The following IFFO2 variants were observed in gnomAD, a reference collection of about 807,000 sequenced individuals.
The protein encoded by IFFO2 is intermediate filament family orphan 2.
A neutral mutation model predicts 53.5 loss-of-function variants in IFFO2; 19 were observed. The observed-to-expected ratio is 0.36, with a 90% CI of 0.25 to 0.52. IFFO2 has a LOEUF of 0.52. IFFO2 is among the 20% of genes least tolerant of loss of function. The pLI, the probability that IFFO2 is intolerant of heterozygous loss-of-function variation, is 0.94. For missense variants in IFFO2, 570 were observed against 727.4 expected (o/e 0.78, Z 2.49); for synonymous variants, 303 against 313.6 (o/e 0.97, Z 0.36).
rs1250693569 is a variant in IFFO2 at position 18,956,030 on chromosome 1, G to T, written c.303C>A (p.Phe101Leu). 2.1e-6 allele frequency: 3 copies of T among 1,451,984 alleles called. No homozygotes were observed. The highest frequency in any genetic ancestry group is 2.8e-6 in the Non-Finnish European group (3 of 1,088,434). The allele number at this position is 1,451,984 out of a possible 1,614,324, so 89.9% of individuals were successfully genotyped here. A position where few individuals can be genotyped will look rare whatever the true frequency, so the allele number is the denominator to read the frequency against. ...CGGTCTGCACGGCCTGCTCGCGGGA[G>T]AAGGTCTTGTAGCGCAGCCGCCGCT... ...ERERRLRYKT[F>L]SREQAVQTGP... The change falls in exon 1 of 9, where the codon TTC (phenylalanine) becomes TTA (leucine). Residue 101 changes from phenylalanine (F) to leucine (L), a missense_variant. Transcript: ENST00000455833. The surrounding 1 kb of genome is among the most constrained non-coding windows in gnomAD (Gnocchi z 6.4).
rs1209749286 is a variant in IFFO2 at position 18,947,955 on chromosome 1, G to A, written c.665+7713C>T. Among the ~76,000 whole-genome samples, 1 of 152,202 alleles carries A rather than the reference G, an allele frequency of 6.6e-6. No individual in the cohort carries two copies. Among genetic ancestry groups the A allele is most frequent in the African/African-American group, 2.4e-5 (1 of 41,444 alleles). The stretch of plus-strand genomic sequence containing the variant: ...GGGGCATGGGACAAGGCCACCTCCT[G>A]GGAGGAGCACTGACCTTGGGGTCCA... On this transcript the variant is annotated intron_variant, in intron 1 of 8. Transcript: ENST00000455833. This position sits in a 1 kb window ranked among gnomAD's most constrained non-coding sequence, Gnocchi z 5.0.
At chr1:18,935,874 T>C (rs1936442408) in intron 1 of IFFO2, among the ~76,000 whole-genome samples, 1 of 146,360 alleles carries the variant, frequency 6.8e-6, no homozygotes, top group African/African-American at 2.5e-5. Context: ...ATTTTTTTTT[T>C]TTTTTTTTTT....
intron 1 of IFFO2, among the ~76,000 whole-genome samples, chr1:18,935,247 C>G (rs1419765034): frequency 3.3e-5 from 5 of 152,308 alleles, no homozygotes; most frequent in African/African-American, 9.6e-5. Context: ...CTCTACCTTC[C>G]CCAAGGAGCA....
intron 1 of IFFO2, among the ~76,000 whole-genome samples, chr1:18,925,574 G>A (rs9426820): frequency 0.33 from 49,551 of 152,076 alleles, 10,664 homozygotes; most frequent in African/African-American, 0.62. Context: ...GGAAGCAAGA[G>A]GCAAGTTCCC....
chr1:18,910,705 C>G (rs1936023142), intron 7 of IFFO2, among the ~76,000 whole-genome samples: 1 of 152,192 alleles, frequency 6.6e-6, no homozygotes, highest in Non-Finnish European at 1.5e-5. Flanking sequence ...GCTTAGCAAC[C>G]CCAGCAGCAG....
Position 18,919,605 on chromosome 1 carries a change from G to A in IFFO2, c.822+73C>T, listed in dbSNP as rs142754825. On this transcript the variant is annotated intron_variant, in intron 3 of 8. Transcript: ENST00000455833. The surrounding 1 kb of genome is among the most constrained non-coding windows in gnomAD (Gnocchi z 4.9). ...ACTAGAAGCCGAGCCCCGGAGCCTC[G>A]GAGGGAATGAAGCATTTTGCATGAT... The A allele has an allele frequency of 3.7e-4, 373 of 1,018,450 alleles. 1 individual carries two copies. The East Asian group carries it at 4.8e-3, about 13-fold the overall frequency. 63.1% of individuals were successfully genotyped at this position (1,018,450 alleles called of 1,614,324 possible). A position where few individuals can be genotyped will look rare whatever the true frequency, so the allele number is the denominator to read the frequency against.
At chr1:18,941,566 A>G (rs1254978361) in intron 1 of IFFO2, among the ~76,000 whole-genome samples, 2 of 152,218 alleles carry the variant, frequency 1.3e-5, no homozygotes, top group Non-Finnish European at 2.9e-5. Context: ...CCCATCGCCT[A>G]CAGGGGCCCA....
At chr1:18,949,918 G>A (rs1178907162) in intron 1 of IFFO2, among the ~76,000 whole-genome samples, 2 of 152,238 alleles carry the variant, frequency 1.3e-5, no homozygotes, top group Non-Finnish European at 2.9e-5. Context: ...AATCTTCAGC[G>A]TCAGCTGTCT....
chr1:18,918,029 G>A lies in IFFO2; in HGVS notation c.963+333C>T, dbSNP rs2100649657. Among the ~76,000 whole-genome samples the A allele has an allele frequency of 6.6e-6, 1 of 152,386 alleles. No individual in the cohort carries two copies. The highest frequency in any genetic ancestry group is 1.9e-4 in the East Asian group (1 of 5,192). ...TGGCACCCAGAGGAAGGGGCAGGAA[G>A]CGGGACAATGGGTACAGTGTGGGCT... On this transcript the variant is annotated intron_variant, in intron 4 of 8. Coordinates refer to ENST00000455833, the MANE Select transcript of IFFO2 (RefSeq NM_001136265.2). This position sits in a 1 kb window ranked among gnomAD's most constrained non-coding sequence, Gnocchi z 5.2.
Position 18,918,363 on chromosome 1 carries a change from T to G in IFFO2, c.962A>C (p.Gln321Pro). The G allele has an allele frequency of 6.4e-7, 1 of 1,551,112 alleles. No homozygotes were observed. The highest frequency in any genetic ancestry group is 8.7e-7 in the Non-Finnish European group (1 of 1,146,436). The change falls in exon 4 of 9, where the codon CAG becomes CCG. Residue 321 changes from glutamine to proline, a missense_variant and splice_region_variant. Physicochemically the swap from Gln to Pro is moderately conservative, Grantham distance 76. Coordinates refer to ENST00000455833, the MANE Select transcript of IFFO2 (RefSeq NM_001136265.2). This position sits in a 1 kb window ranked among gnomAD's most constrained non-coding sequence, Gnocchi z 5.2. ...RNSEDVSKIFQVVPKKKERKV... is the reference protein window; with the variant it reads ...RNSEDVSKIFPVVPKKKERKV... ...GGTGAGCAGGGCAGCCCTAGTCACC[T>G]GGAAGATCTTGGACACGTCTTCTGA...
At chr1:18,924,343 A>T (rs1936253468) in intron 1 of IFFO2, among the ~76,000 whole-genome samples, 1 of 152,158 alleles carries the variant, frequency 6.6e-6, no homozygotes, top group South Asian at 2.1e-4. Flanking sequence ...AGAGATTTCA[A>T]CACCAGCTTC....
intron 1 of IFFO2, among the ~76,000 whole-genome samples, chr1:18,931,094 C>T (rs1936369528): frequency 6.6e-6 from 1 of 152,138 alleles, no homozygotes. Flanking sequence ...ATCCCTCGAG[C>T]CTAGTAGTTC....
At chr1:18,913,825 T>C (rs1242888639) in intron 5 of IFFO2, among the ~76,000 whole-genome samples, 2 of 41,632 alleles carry the variant, frequency 4.8e-5, no homozygotes, top group Admixed American at 4.6e-4. Context: ...TTGTTGTTGT[T>C]TTTTTGTTTG....
intron 1 of IFFO2, among the ~76,000 whole-genome samples, chr1:18,949,581 G>T (rs1457098816): frequency 1.3e-5 from 2 of 152,252 alleles, no homozygotes; most frequent in African/African-American, 4.8e-5. Context: ...CAAATGCAAA[G>T]CCCACAGCCT....
chr1:18,910,222 G>C (rs1233384875), intron 8 of IFFO2, 120 bp downstream of exon 8: 5 of 1,163,462 alleles, frequency 4.3e-6, no homozygotes, highest in Non-Finnish European at 6.1e-6. Flanking sequence ...TGGACGGACG[G>C]ACGGACAGAT....
At chr1:18,954,742 T>C (rs987954878) in intron 1 of IFFO2, among the ~76,000 whole-genome samples, 1 of 152,174 alleles carries the variant, frequency 6.6e-6, no homozygotes, top group Non-Finnish European at 1.5e-5. Flanking sequence ...CAGGAAGCAA[T>C]GACAGTTTCC....
chr1:18,910,622 C>A, intron 7 of IFFO2, 150 bp from the exon 8 acceptor site: 1 of 811,790 alleles, frequency 1.2e-6, no homozygotes, highest in African/African-American at 1.7e-5. Context: ...CGGACATCAA[C>A]CTCCCTCACC....
Position 18,910,224 on chromosome 1 carries a change from C to G in IFFO2, c.1448+118G>C, listed in dbSNP as rs539868598. The G allele has an allele frequency of 8.5e-6, 10 of 1,179,352 alleles. No individual in the cohort carries two copies. In the East Asian group the frequency reaches 2.6e-4, roughly 30 times the overall value. The allele number at this position is 1,179,352 out of a possible 1,614,324, so 73.1% of individuals were successfully genotyped here. A position where few individuals can be genotyped will look rare whatever the true frequency, so the allele number is the denominator to read the frequency against. ...ATGGATGGATGGATGGACGGACGGACGGACAGATGGACGGACAGAGAGACA... is the reference window on the plus strand; with the variant it reads ...ATGGATGGATGGATGGACGGACGGAGGGACAGATGGACGGACAGAGAGACA... On this transcript the variant is annotated intron_variant, in intron 8 of 8. Coordinates refer to ENST00000455833, the MANE Select transcript of IFFO2 (RefSeq NM_001136265.2).
chr1:18,955,987 G>A lies in IFFO2; in HGVS notation c.346C>T (p.Pro116Ser), dbSNP rs1021175827. The A allele has an allele frequency of 8.3e-5, 112 of 1,342,438 alleles. No homozygotes were observed. Among genetic ancestry groups the A allele is most frequent in the Non-Finnish European group, 1.1e-4 (110 of 1,034,254 alleles). 83.2% of individuals were successfully genotyped at this position (1,342,438 alleles called of 1,614,324 possible). A position where few individuals can be genotyped will look rare whatever the true frequency, so the allele number is the denominator to read the frequency against. Reference protein sequence around the residue: ...AVQTGPELLRPPAPGGGHGLS... With the variant: ...AVQTGPELLRSPAPGGGHGLS... ...CCGTGCCCGCCGCCGGGCGCCGGGGGCCGCAGCAACTCGGGCCCGGTCTGC... is the reference window on the plus strand; with the variant it reads ...CCGTGCCCGCCGCCGGGCGCCGGGGACCGCAGCAACTCGGGCCCGGTCTGC... Residue 116 changes from proline to serine, a missense_variant, in exon 1 of 9, where the codon CCC (proline) becomes TCC (serine). Physicochemically the swap from Pro to Ser is moderately conservative, Grantham distance 74. Transcript: ENST00000455833.
Sources: allele counts gnomAD v4.1 joint callset (sites outside exome capture counted in the v4.1 genomes callset), GRCh38; gene constraint gnomAD v4.1.1; non-coding constraint Gnocchi (gnomAD v3.1); transcripts MANE v1.5; gene names NCBI Gene and HGNC (gene_info 2026-07-23, HGNC 2026-07-21).